The following CDK5RAP1 variants were observed in gnomAD, a reference collection of about 807,000 sequenced individuals.
The protein encoded by CDK5RAP1 is mitochondrial tRNA methylthiotransferase CDK5RAP1.
CDK5RAP1 carries 62 observed loss-of-function variants against 64.5 expected under a neutral mutation model. That is an observed-to-expected ratio of 0.96 (90% confidence interval 0.78 to 1.19). The LOEUF is 1.19. CDK5RAP1 is among the 50% of genes most tolerant of loss of function. The pLI is 0.00. For synonymous variants in CDK5RAP1, 250 were observed against 261.9 expected, an observed-to-expected ratio of 0.95 and a Z score of 0.44; for missense variants, 657 against 735.0, an observed-to-expected ratio of 0.89 and a Z score of 1.23.
intron 7 of CDK5RAP1, among the ~76,000 whole-genome samples, chr20:33,379,968 A>G (rs1316355838): frequency 6.6e-6 from 1 of 152,190 alleles, no homozygotes; most frequent in Admixed American, 6.5e-5. Context: ...AATAATCCAC[A>G]ATAATGGTTA....
chr20:33,396,707 T>A, intron 2 of CDK5RAP1, 54 bp downstream of exon 2: 1 of 1,300,516 alleles, frequency 7.7e-7, no homozygotes, highest in Admixed American at 1.8e-5. Context: ...ATGCCAGGAA[T>A]GACAGAGAGG....
At chr20:33,390,366 A>C (rs975345986) in intron 5 of CDK5RAP1, among the ~76,000 whole-genome samples, 15 of 152,142 alleles carry the variant, frequency 9.9e-5, no homozygotes, top group African/African-American at 3.4e-4. Context: ...TAAGACAGTC[A>C]CAAAAAAGAC....
At chr20:33,394,176 T>G (rs75206396) in intron 3 of CDK5RAP1, 110 bp from the exon 4 acceptor site, 2 of 748,218 alleles carry the variant, frequency 2.7e-6, no homozygotes, top group Non-Finnish European at 4.4e-6. Context: ...TTTTTTTTTT[T>G]TGAGACAGAG....
intron 6 of CDK5RAP1, among the ~76,000 whole-genome samples, chr20:33,386,629 T>C (rs1226323619): frequency 1.3e-5 from 2 of 152,168 alleles, no homozygotes; most frequent in Non-Finnish European, 2.9e-5. Flanking sequence ...AGCCTCAATC[T>C]ATCTGAAGGA....
At chr20:33,385,893 A>T (rs1987368821) in intron 6 of CDK5RAP1, 123 bp from the exon 7 acceptor site, 1 of 860,224 alleles carries the variant, frequency 1.2e-6, no homozygotes, top group South Asian at 1.9e-5. Context: ...CAATGCTCAC[A>T]CTGGACCAAT....
intron 13 of CDK5RAP1, 49 bp downstream of exon 13, chr20:33,360,302 C>A (rs1982652204): frequency 6.3e-7 from 1 of 1,575,176 alleles, no homozygotes; most frequent in East Asian, 2.2e-5. Flanking sequence ...AATATCCAAA[C>A]CAACACTCAT....
At chr20:33,362,763 C>A (rs963963478) in intron 12 of CDK5RAP1, among the ~76,000 whole-genome samples, 3 of 152,092 alleles carry the variant, frequency 2.0e-5, no homozygotes, top group Non-Finnish European at 4.4e-5. Flanking sequence ...GAGTGGTACC[C>A]AGTTTGGGGT....
chr20:33,400,755 C>A (rs1989332561), intron 1 of CDK5RAP1, among the ~76,000 whole-genome samples: 1 of 151,988 alleles, frequency 6.6e-6, no homozygotes, highest in East Asian at 1.9e-4. Flanking sequence ...GCAGGGGCTA[C>A]AGTGAGCCGA....
At chr20:33,394,543 A>G (rs1401933531) in intron 3 of CDK5RAP1, among the ~76,000 whole-genome samples, 1 of 150,902 alleles carries the variant, frequency 6.6e-6, no homozygotes, top group African/African-American at 2.4e-5. Context: ...GAGCAATAGC[A>G]TAACCATAGC....
intron 7 of CDK5RAP1, among the ~76,000 whole-genome samples, chr20:33,384,869 T>C (rs1293084703): frequency 6.6e-6 from 1 of 152,070 alleles, no homozygotes; most frequent in Admixed American, 6.6e-5. Flanking sequence ...ACCACTGTAC[T>C]CCAGCTTGGG....
rs74646485 is a variant in CDK5RAP1 at position 33,359,230 on chromosome 20, G to A, written c.1684-107C>T. Reference sequence around the variant, plus strand: ...CCCCCAAAAGGAATCTGATGGAGGCGACCGGCTGGCAGAGACCACATGGCT... The same window carrying A: ...CCCCCAAAAGGAATCTGATGGAGGCAACCGGCTGGCAGAGACCACATGGCT... On this transcript the variant is annotated intron_variant, in intron 13 of 13. Coordinates refer to ENST00000346416, the MANE Select transcript of CDK5RAP1 (RefSeq NM_016408.4). 2.7e-3 allele frequency: 2,175 copies of A among 807,408 alleles called. 35 individuals are homozygous for A. In the African/African-American group the frequency reaches 0.033, roughly 12 times the overall value. The allele number at this position is 807,408 out of a possible 1,614,324, so 50.0% of individuals were successfully genotyped here.
At chr20:33,381,775 C>T (rs1986781007) in intron 7 of CDK5RAP1, among the ~76,000 whole-genome samples, 1 of 151,998 alleles carries the variant, frequency 6.6e-6, no homozygotes, top group Non-Finnish European at 1.5e-5. Context: ...GAATCCCAAT[C>T]GAGGACCGTG....
chr20:33,382,508 C>T (rs1986883734), intron 7 of CDK5RAP1, among the ~76,000 whole-genome samples: 1 of 151,954 alleles, frequency 6.6e-6, no homozygotes, highest in African/African-American at 2.4e-5. Flanking sequence ...TGGTGAAACC[C>T]CGTCTCTACT....
At chr20:33,365,394 C>T (rs1322561802) in intron 12 of CDK5RAP1, among the ~76,000 whole-genome samples, 1 of 151,902 alleles carries the variant, frequency 6.6e-6, no homozygotes, top group Non-Finnish European at 1.5e-5. Context: ...ACCTCAGCCT[C>T]CTGAGTAGCT....
chr20:33,369,766 T>C (rs1984678808), intron 11 of CDK5RAP1, among the ~76,000 whole-genome samples: 1 of 151,952 alleles, frequency 6.6e-6, no homozygotes, highest in African/African-American at 2.4e-5. Context: ...AACAAAAAAA[T>C]TAGTTTGGTT....
At position 33,370,549 on chromosome 20, in the gene CDK5RAP1, G is replaced by A. The variant is rs1333404071; in HGVS notation, c.1342C>T (p.Arg448Trp). 19 of 1,614,020 alleles carry A rather than the reference G, an allele frequency of 1.2e-5. No individual in the cohort carries two copies. The highest frequency in any genetic ancestry group is 8.9e-5 in the East Asian group (4 of 44,896). ...EDHVQTVSLL[R>W]EVQYNMGFLF... ...AAGCCCATGTTGTACTGAACTTCCC[G>A]GAGCAAAGAGACTGTCTGGACGTGA... is the stretch of plus-strand genomic sequence containing the variant. The change falls in exon 11 of 14, where the codon CGG becomes TGG. Residue 448 changes from arginine to tryptophan, a missense_variant. Arg to Trp is a moderately radical substitution (Grantham distance 101). Transcript: ENST00000346416.
At chr20:33,392,063 C>T (rs2146709504) in intron 5 of CDK5RAP1, 79 bp downstream of exon 5, 1 of 854,090 alleles carries the variant, frequency 1.2e-6, no homozygotes, top group Middle Eastern at 2.3e-4. Flanking sequence ...GGAATCCAGC[C>T]TCTAAAGGAA....
chr20:33,389,403 A>G (rs1400651200), intron 5 of CDK5RAP1, among the ~76,000 whole-genome samples: 1 of 142,986 alleles, frequency 7.0e-6, no homozygotes, highest in South Asian at 2.3e-4. Context: ...GCCCCGTCTG[A>G]GAAGTGAGGA....
intron 8 of CDK5RAP1, among the ~76,000 whole-genome samples, chr20:33,375,452 C>T (rs1985843696): frequency 6.6e-6 from 1 of 150,570 alleles, no homozygotes; most frequent in Non-Finnish European, 1.5e-5. Context: ...AAAGAGAACA[C>T]ATTCCAGTCT....
Sources: gnomAD v4.1 joint callset for allele counts (sites outside exome capture counted in the v4.1 genomes callset) on GRCh38, gnomAD v4.1.1 for gene constraint, MANE v1.5 for transcripts, NCBI Gene and HGNC (gene_info 2026-07-23, HGNC 2026-07-21) for gene names.